The following MEIKIN variants were observed in gnomAD, a reference collection of about 807,000 sequenced individuals.
The protein encoded by MEIKIN is meiosis-specific kinetochore protein.
chr5:131,938,679 T>C (rs1751822406), intron 4 of MEIKIN, among the ~76,000 whole-genome samples: 1 of 152,266 alleles, frequency 6.6e-6, no homozygotes, highest in South Asian at 2.1e-4. Context: ...GAACACTTTT[T>C]ACAAGAGCCT....
intron 6 of MEIKIN, among the ~76,000 whole-genome samples, chr5:131,921,211 A>G (rs905397623): frequency 1.3e-5 from 2 of 152,262 alleles, no homozygotes; most frequent in Non-Finnish European, 2.9e-5. Context: ...AAAATAGTTC[A>G]AAATAAAAAG....
At chr5:131,923,004 G>A (rs1751530763) in intron 5 of MEIKIN, among the ~76,000 whole-genome samples, 1 of 152,120 alleles carries the variant, frequency 6.6e-6, no homozygotes, top group Non-Finnish European at 1.5e-5. Context: ...TGATTCTCCT[G>A]CCTCAGACTC....
chr5:131,829,380 C>T (rs945271633), intron 11 of MEIKIN, among the ~76,000 whole-genome samples: 9 of 152,112 alleles, frequency 5.9e-5, no homozygotes, highest in Non-Finnish European at 1.2e-4. Context: ...AAAGCCATGG[C>T]ATGGGGAAAA....
At chr5:131,837,801 A>C (rs1465461558) in intron 11 of MEIKIN, among the ~76,000 whole-genome samples, 1 of 152,134 alleles carries the variant, frequency 6.6e-6, no homozygotes, top group Non-Finnish European at 1.5e-5. Context: ...TGTAGTCAGC[A>C]AACAGGAATA....
At chr5:131,820,777 C>A (rs1483961502) in intron 11 of MEIKIN, among the ~76,000 whole-genome samples, 6 of 152,142 alleles carry the variant, frequency 3.9e-5, no homozygotes, top group African/African-American at 1.4e-4. Flanking sequence ...TCAATTTCTT[C>A]TAAATTTTCC....
At chr5:131,854,535 C>T (rs553636928) in intron 10 of MEIKIN, among the ~76,000 whole-genome samples, 1 of 152,156 alleles carries the variant, frequency 6.6e-6, no homozygotes, top group South Asian at 2.1e-4. Context: ...AAGGAAAAAA[C>T]AGAAGAATCC....
intron 8 of MEIKIN, among the ~76,000 whole-genome samples, chr5:131,891,884 C>T (rs4320251): frequency 0.14 from 20,700 of 152,104 alleles, 3,589 homozygotes; most frequent in African/African-American, 0.41. Flanking sequence ...CAGTGCTTCC[C>T]TCAGAAGCTC....
rs774976019 is a variant in MEIKIN, at chr5:131,921,867, C to T, written c.553G>A (p.Ala185Thr). The change falls in exon 6 of 13, where the codon GCG (alanine) becomes ACG (threonine). Residue 185 changes from alanine (A) to threonine (T), a missense_variant. Ala to Thr is a moderately conservative substitution (Grantham distance 58). Transcript: ENST00000442687. Reference protein sequence around the residue: ...STLLDTSKAVAIEKAPQFSNV... With the variant: ...STLLDTSKAVTIEKAPQFSNV... Reference sequence around the variant, plus strand: ...GAAAACTGTGGTGCCTTCTCTATCGCTACTGCTTTACTGGTATCCAGAAGA... The same window carrying T: ...GAAAACTGTGGTGCCTTCTCTATCGTTACTGCTTTACTGGTATCCAGAAGA... The T allele has an allele frequency of 2.5e-5, 10 of 398,894 alleles. No individual in the cohort carries two copies. Among genetic ancestry groups the T allele is most frequent in the Middle Eastern group, 6.2e-4 (1 of 1,610 alleles). The allele number at this position is 398,894 out of a possible 1,614,324, so 24.7% of individuals were successfully genotyped here.
chr5:131,921,562 C>A (rs1751505112), intron 6 of MEIKIN, among the ~76,000 whole-genome samples: 2 of 152,066 alleles, frequency 1.3e-5, no homozygotes, highest in African/African-American at 4.8e-5. Flanking sequence ...GAGGCTGAGG[C>A]AGGAGAACTG....
At chr5:131,890,967 G>A (rs1013918600) in intron 8 of MEIKIN, among the ~76,000 whole-genome samples, 7 of 152,014 alleles carry the variant, frequency 4.6e-5, no homozygotes, top group Admixed American at 1.3e-4. Context: ...CCTTCATTTC[G>A]TTATGTACCC....
chr5:131,849,442 T>C (rs1485392808), intron 11 of MEIKIN, among the ~76,000 whole-genome samples: 1 of 53,410 alleles, frequency 1.9e-5, no homozygotes, highest in African/African-American at 7.6e-5. Flanking sequence ...TAAAGAAACC[T>C]CTTTTCTTTA....
At chr5:131,853,906 T>A (rs1380479723) in intron 10 of MEIKIN, among the ~76,000 whole-genome samples, 1 of 152,138 alleles carries the variant, frequency 6.6e-6, no homozygotes, top group African/African-American at 2.4e-5. Context: ...GAATGTAAAA[T>A]GGTACAGCTA....
intron 8 of MEIKIN, among the ~76,000 whole-genome samples, chr5:131,881,413 T>C (rs183199003): frequency 7.1e-4 from 108 of 152,266 alleles, no homozygotes; most frequent in Middle Eastern, 3.4e-3. Context: ...TGCCGGATAT[T>C]TCTCCCTTTC....
chr5:131,931,283 T>C (rs1751686134), intron 5 of MEIKIN, among the ~76,000 whole-genome samples: 1 of 152,200 alleles, frequency 6.6e-6, no homozygotes, highest in African/African-American at 2.4e-5. Context: ...GTTGGAACAT[T>C]GGACACAAAG....
chr5:131,825,392 T>C (rs1749593791), intron 11 of MEIKIN, among the ~76,000 whole-genome samples: 1 of 152,162 alleles, frequency 6.6e-6, no homozygotes, highest in South Asian at 2.1e-4. Context: ...TACAGTTTAT[T>C]ACAGCAAAAG....
chr5:131,931,182 A>G (rs1278986547), intron 5 of MEIKIN, among the ~76,000 whole-genome samples: 2 of 152,228 alleles, frequency 1.3e-5, no homozygotes, highest in African/African-American at 4.8e-5. Context: ...CTTTGTTGTT[A>G]TCAGCCTCCA....
intron 8 of MEIKIN, among the ~76,000 whole-genome samples, chr5:131,888,644 C>T (rs949845021): frequency 6.6e-6 from 1 of 152,020 alleles, no homozygotes; most frequent in South Asian, 2.1e-4. Flanking sequence ...CAAAACTTTT[C>T]TTCCATTCTG....
At chr5:131,944,057 GC>G (rs1052730808) in intron 3 of MEIKIN, among the ~76,000 whole-genome samples, 4 of 150,738 alleles carry the variant, frequency 2.7e-5, no homozygotes, top group African/African-American at 4.9e-5. Context: ...CAGTCAGTGA[GC>G]CAGGACTGTG....
chr5:131,890,039 G>T (rs1750880420), intron 8 of MEIKIN, among the ~76,000 whole-genome samples: 1 of 152,172 alleles, frequency 6.6e-6, no homozygotes, highest in Admixed American at 6.5e-5. Context: ...TGTTGAACCA[G>T]CCCTGCATCC....
Sources: allele counts gnomAD v4.1 joint callset (sites outside exome capture counted in the v4.1 genomes callset), GRCh38; gene constraint gnomAD v4.1.1; transcripts MANE v1.5; gene names NCBI Gene and HGNC (gene_info 2026-07-23, HGNC 2026-07-21).